Variants in ABHD2 observed in about 807,000 individuals in gnomAD.
The protein encoded by ABHD2 is abhydrolase domain containing 2, acylglycerol lipase.
ABHD2 carries 20 observed loss-of-function variants against 48.1 expected under a neutral mutation model. The observed-to-expected ratio is 0.42, with a 90% CI of 0.29 to 0.60. ABHD2 has a LOEUF of 0.60. Among genes scored for constraint, ABHD2 ranks in the 20% least tolerant of loss-of-function variants. The probability of loss-of-function intolerance (pLI) is 0.24; values close to 1 mark genes in which losing one functional copy is unlikely to be tolerated. For missense variants in ABHD2, 405 were observed against 550.9 expected (o/e 0.74, Z 2.65); for synonymous variants, 209 against 214.2 (o/e 0.98, Z 0.21).
chr15:89,087,587 A>G (rs1171383948), upstream of ABHD2: 2 of 152,238 alleles, frequency 1.3e-5, no homozygotes, highest in African/African-American at 4.8e-5. The surrounding 1 kb of genome is among the most constrained non-coding windows in gnomAD (Gnocchi z 5.5). Context: ...GTTGGCATTT[A>G]TCAGAGTTTA....
chr15:89,133,383 C>G (rs1026750896), intron 3 of ABHD2, among the ~76,000 whole-genome samples: 2 of 152,294 alleles, frequency 1.3e-5, no homozygotes, highest in East Asian at 1.9e-4. Flanking sequence ...GCGCACCTGT[C>G]AGTATAGGAT....
At position 89,188,793 on chromosome 15, in the gene ABHD2, C is replaced by T. The variant is rs1352949334; in HGVS notation, c.926+490C>T. 1.3e-5 allele frequency among the ~76,000 whole-genome samples: 2 copies of T among 151,624 alleles called. No homozygotes were observed. Among genetic ancestry groups the T allele is most frequent in the Non-Finnish European group, 2.9e-5 (2 of 67,962 alleles). On this transcript the variant is annotated intron_variant, in intron 8 of 10. Coordinates refer to ENST00000352732, the MANE Select transcript of ABHD2 (RefSeq NM_152924.5). This position sits in a 1 kb window ranked among gnomAD's most constrained non-coding sequence, Gnocchi z 4.1. The stretch of plus-strand genomic sequence containing the variant: ...ATTTGGGAGGTCATGGGGGAAAGAT[C>T]GCTTGAGCCCAGGAGGTTGAAGCTG...
rs141545754 is a variant in ABHD2, at chr15:89,123,634, A to T, written c.194+7113A>T. 8.1e-3 allele frequency among the ~76,000 whole-genome samples: 888 copies of T among 109,300 alleles called. 11 individuals are homozygous for T. Among genetic ancestry groups the T allele is most frequent in the African/African-American group, 0.031 (833 of 27,084 alleles). 71.7% of individuals were successfully genotyped at this position (109,300 alleles called of 152,430 possible). On this transcript the variant is annotated intron_variant, in intron 3 of 10. Transcript: ENST00000352732. ...TTTTTTTGAGACAATGTCTCACTCT[A>T]TTACCCAGGTTGGAGTACAATGGCA...
At chr15:89,117,895 TCTTATG>T (rs1286476516) in intron 3 of ABHD2, among the ~76,000 whole-genome samples, 1 of 152,130 alleles carries the variant, frequency 6.6e-6, no homozygotes, top group Non-Finnish European at 1.5e-5. Context: ...TGGGCGGTAT[TCTTATG>T]CAGTTTTCTC....
chr15:89,072,310 T>C, the ABHD2 span, among the ~76,000 whole-genome samples: 1 of 151,616 alleles, frequency 6.6e-6, no homozygotes, highest in Non-Finnish European at 1.5e-5. Context: ...ACCCTGTCTC[T>C]ACTAAAAATA....
chr15:89,050,242 T>A, the ABHD2 span, among the ~76,000 whole-genome samples: 1 of 152,056 alleles, frequency 6.6e-6, no homozygotes, highest in Non-Finnish European at 1.5e-5. Context: ...CAGAGAAGGA[T>A]CACAGAAGAG....
At chr15:89,126,101 C>T (rs534601602) in intron 3 of ABHD2, among the ~76,000 whole-genome samples, 69 of 152,236 alleles carry the variant, frequency 4.5e-4, no homozygotes, top group African/African-American at 1.6e-3. Context: ...CCTGAGTTTA[C>T]TCTTCAGGGC....
At position 89,146,929 on chromosome 15, in the gene ABHD2, TATAATTAATCTGGAAA is replaced by T. The variant is rs1337036445; in HGVS notation, c.195-4743_195-4728del. Among the ~76,000 whole-genome samples, 1 of 152,240 alleles carries T rather than the reference TATAATTAATCTGGAAA, an allele frequency of 6.6e-6. No homozygotes were observed. The highest frequency in any genetic ancestry group is 2.4e-5 in the African/African-American group (1 of 41,462). On this transcript the variant is annotated intron_variant, in intron 3 of 10. Coordinates refer to ENST00000352732, the MANE Select transcript of ABHD2 (RefSeq NM_152924.5). The surrounding 1 kb of genome is among the most constrained non-coding windows in gnomAD (Gnocchi z 4.2). The stretch of plus-strand genomic sequence containing the variant: ...TTTATAGAACTAAACAAGCTAATCC[TATAATTAATCTGGAAA>T]ATAAAATGCTGAAATCTGCCAAGAA...
At chr15:89,072,781 A>G in the ABHD2 span, among the ~76,000 whole-genome samples, 1 of 152,038 alleles carries the variant, frequency 6.6e-6, no homozygotes, top group Non-Finnish European at 1.5e-5. Flanking sequence ...TGCCCTCAAT[A>G]TGGTTATGCC....
rs1901473501 is a variant in ABHD2 at position 89,088,867 on chromosome 15, G to T, written c.-107+304G>T. On this transcript the variant is annotated intron_variant, in intron 1 of 10. Transcript: ENST00000352732. This position sits in a 1 kb window ranked among gnomAD's most constrained non-coding sequence, Gnocchi z 6.8. ...TTTCCCCCATTGGTGCTCACTCCTGGGTCTTCAGGGGCCTGGGGAGGGGTC... is the reference window on the plus strand; with the variant it reads ...TTTCCCCCATTGGTGCTCACTCCTGTGTCTTCAGGGGCCTGGGGAGGGGTC... Among the ~76,000 whole-genome samples, 1 of 152,358 alleles carries T rather than the reference G, an allele frequency of 6.6e-6. No homozygotes were observed. Among genetic ancestry groups the T allele is most frequent in the South Asian group, 2.1e-4 (1 of 4,832 alleles).
intron 3 of ABHD2, among the ~76,000 whole-genome samples, chr15:89,130,225 C>G (rs1444475731): frequency 6.6e-6 from 1 of 152,194 alleles, no homozygotes; most frequent in Non-Finnish European, 1.5e-5. Context: ...CATCTTAAAG[C>G]CACAAATGTT....
rs2050501466 is a variant in ABHD2 at position 89,146,906 on chromosome 15, T to C, written c.195-4771T>C. 1.3e-5 allele frequency among the ~76,000 whole-genome samples: 2 copies of C among 152,214 alleles called. No individual in the cohort carries two copies. The highest frequency in any genetic ancestry group is 4.1e-4 in the South Asian group (2 of 4,838). On this transcript the variant is annotated intron_variant, in intron 3 of 10. Coordinates refer to ENST00000352732, the MANE Select transcript of ABHD2 (RefSeq NM_152924.5). This position sits in a 1 kb window ranked among gnomAD's most constrained non-coding sequence, Gnocchi z 4.2. ...TTTCCAATCAAAAATCTAAAATTTT[T>C]ATAGAACTAAACAAGCTAATCCTAT... is the stretch of plus-strand genomic sequence containing the variant.
intron 5 of ABHD2, among the ~76,000 whole-genome samples, chr15:89,169,410 T>A (rs1329545837): frequency 6.6e-6 from 1 of 152,196 alleles, no homozygotes; most frequent in Non-Finnish European, 1.5e-5. Flanking sequence ...ATCCATTCAT[T>A]TAGGTAACAC....
Position 89,168,856 on chromosome 15 carries a change from C to T in ABHD2, c.539-6956C>T, listed in dbSNP as rs995634821. 6.6e-6 allele frequency among the ~76,000 whole-genome samples: 1 copy of T among 152,140 alleles called. No individual in the cohort carries two copies. Among genetic ancestry groups the T allele is most frequent in the African/African-American group, 2.4e-5 (1 of 41,424 alleles). ...GGAAAGGAAGCCAAGGTGGGCAGAC[C>T]TCTTGAGCTCAGAAGTTCGAGACCA... On this transcript the variant is annotated intron_variant, in intron 5 of 10. Coordinates refer to ENST00000352732, the MANE Select transcript of ABHD2 (RefSeq NM_152924.5). The surrounding 1 kb of genome is among the most constrained non-coding windows in gnomAD (Gnocchi z 4.8).
chr15:89,126,412 C>T (rs2050132287), intron 3 of ABHD2, among the ~76,000 whole-genome samples: 1 of 152,170 alleles, frequency 6.6e-6, no homozygotes, highest in Non-Finnish European at 1.5e-5. Flanking sequence ...CTGAAAATTG[C>T]TCCACTATCC....
In ABHD2 at chr15:89,175,457, C is replaced by G. The variant is rs540224635; in HGVS notation, c.539-355C>G. The stretch of plus-strand genomic sequence containing the variant: ...TTAGGTCTGTGTGTGAGCATATGTG[C>G]TCATGCACACCCTGAAATCTGCTTT... On this transcript the variant is annotated intron_variant, in intron 5 of 10. Transcript: ENST00000352732. This position sits in a 1 kb window ranked among gnomAD's most constrained non-coding sequence, Gnocchi z 5.7. Among the ~76,000 whole-genome samples the G allele has an allele frequency of 8.1e-4, 123 of 152,300 alleles. No individual in the cohort carries two copies. The highest frequency in any genetic ancestry group is 1.1e-3 in the Non-Finnish European group (75 of 68,034).
intron 5 of ABHD2, among the ~76,000 whole-genome samples, chr15:89,170,332 A>G (rs1259464508): frequency 2.0e-5 from 3 of 151,660 alleles, no homozygotes; most frequent in Non-Finnish European, 4.4e-5. Flanking sequence ...CCTGAACTCA[A>G]ATGATCCACC....
upstream of ABHD2, among the ~76,000 whole-genome samples, chr15:89,085,894 A>G (rs533034836): frequency 6.6e-6 from 1 of 152,314 alleles, no homozygotes; most frequent in Admixed American, 6.5e-5. This position sits in a 1 kb window ranked among gnomAD's most constrained non-coding sequence, Gnocchi z 4.2. Flanking sequence ...GGCTGGGCCT[A>G]TTTCCGTAAC....
chr15:89,088,973 T>G lies in ABHD2; in HGVS notation c.-107+410T>G, dbSNP rs73467724. On this transcript the variant is annotated intron_variant, in intron 1 of 10. Transcript: ENST00000352732. The surrounding 1 kb of genome is among the most constrained non-coding windows in gnomAD (Gnocchi z 6.8). ...CGAGGGGCCTGATTACAGCCCGAGA[T>G]ACCCGAGAGGCCTCTGTGTTTCGGG... Among the ~76,000 whole-genome samples, 5,024 of 152,306 alleles carry G rather than the reference T, an allele frequency of 0.033. 135 individuals carry two copies. Among genetic ancestry groups the G allele is most frequent in the African/African-American group, 0.072 (2,977 of 41,574 alleles).
Sources: allele counts gnomAD v4.1 joint callset (sites outside exome capture counted in the v4.1 genomes callset), GRCh38; gene constraint gnomAD v4.1.1; non-coding constraint Gnocchi (gnomAD v3.1); transcripts MANE v1.5; gene names NCBI Gene and HGNC (gene_info 2026-07-23, HGNC 2026-07-21).